The following BRIP1 variants were observed in gnomAD, a reference collection of about 807,000 sequenced individuals.
BRIP1 encodes Fanconi anemia group J protein.
Under a neutral mutation model 119.7 loss-of-function variants are expected in BRIP1, and 88 were observed. The ratio of observed to expected loss-of-function variants is 0.74; its 90% CI spans 0.62 to 0.88. The LOEUF (loss-of-function observed/expected upper bound fraction) is 0.88, where lower values mean the gene tolerates loss of function less well. Ranked by LOEUF, BRIP1 falls within the 40% of genes least tolerant of loss-of-function variation. The pLI is 0.00. For synonymous variants in BRIP1, 443 were observed against 496.5 expected (o/e 0.89, Z 1.43); for missense variants, 1,259 against 1,455.4 (o/e 0.87, Z 2.20).
chr17:61,845,621 A>G lies in BRIP1; in HGVS notation c.627+1480T>C, dbSNP rs1487850421. 6.6e-6 allele frequency among the ~76,000 whole-genome samples: 1 copy of G among 152,204 alleles called. No homozygotes were observed. The highest frequency in any genetic ancestry group is 6.5e-5 in the Admixed American group (1 of 15,278). ...AATTTTATCTGGCTCATTTTATCAT[A>G]AAGAATTACCATGGTTAGTATATCA... On this transcript the variant is annotated intron_variant, in intron 6 of 19. Transcript: ENST00000259008. The surrounding 1 kb of genome is among the most constrained non-coding windows in gnomAD (Gnocchi z 4.2).
In BRIP1 at chr17:61,808,714, C is replaced by T. The variant is rs990737815; in HGVS notation, c.671G>A (p.Gly224Glu). ...GGTATTCGATGACTCTTGACTGTTT[C>T]CTTGTTTAGTAGAACAACAGCACCT... ...CSRCCCSTKQ[G>E]NSQESSNTIK... Residue 224 changes from glycine to glutamate, a missense_variant, in exon 7 of 20, where the codon GGA becomes GAA. Physicochemically the swap from Gly to Glu is moderately conservative, Grantham distance 98. Coordinates refer to ENST00000259008, the MANE Select transcript of BRIP1 (RefSeq NM_032043.3). This position sits in a 1 kb window ranked among gnomAD's most constrained non-coding sequence, Gnocchi z 4.1. The T allele has an allele frequency of 6.2e-7, 1 of 1,613,816 alleles. No individual in the cohort carries two copies.
chr17:61,780,269 T>G lies in BRIP1; in HGVS notation c.1927A>C (p.Asn643His), dbSNP rs2145074666. ...IQLEANHIIK[N>H]SQVWVGTIGS... ...AAAAAACAACAACTAACCTGTGAAT[T>G]TTTAATGATATGATTAGCCTCCAGC... The change falls in exon 13 of 20, where the codon AAT (asparagine) becomes CAT (histidine). Residue 643 changes from asparagine to histidine, a missense_variant. This residue lies in a region of BRIP1 where 753 missense variants were observed against 891.8 expected (regional missense o/e 0.84). Transcript: ENST00000259008. The surrounding 1 kb of genome is among the most constrained non-coding windows in gnomAD (Gnocchi z 5.4). 1 of 1,613,238 alleles carries G rather than the reference T, an allele frequency of 6.2e-7. No individual in the cohort carries two copies. The highest frequency in any genetic ancestry group is 2.2e-5 in the East Asian group (1 of 44,838).
intron 10 of BRIP1, among the ~76,000 whole-genome samples, chr17:61,787,806 G>A (rs1259239573): frequency 6.6e-6 from 1 of 151,956 alleles, no homozygotes; most frequent in Non-Finnish European, 1.5e-5. Flanking sequence ...CACCACGCCC[G>A]GCTAATTTTT....
chr17:61,792,501 T>C (rs1054385349), intron 10 of BRIP1, among the ~76,000 whole-genome samples: 14 of 152,120 alleles, frequency 9.2e-5, no homozygotes, highest in African/African-American at 3.1e-4. Context: ...AGAAATGAGC[T>C]ATCAAGGCAA....
rs1199107474 is a variant in BRIP1, at chr17:61,751,204, GA to G, written c.2098-6614del. 6.6e-6 allele frequency among the ~76,000 whole-genome samples: 1 copy of G among 152,090 alleles called. No individual in the cohort carries two copies. Among genetic ancestry groups the G allele is most frequent in the Non-Finnish European group, 1.5e-5 (1 of 68,000 alleles). ...GAATATGGATAAACCCATAGTAAGT[GA>G]AAAAAGCCACTGTATTTTTGTACAC... On this transcript the variant is annotated intron_variant, in intron 14 of 19. Transcript: ENST00000259008. The surrounding 1 kb of genome is among the most constrained non-coding windows in gnomAD (Gnocchi z 6.7).
chr17:61,788,166 T>C (rs969474249), intron 10 of BRIP1, among the ~76,000 whole-genome samples: 5 of 152,042 alleles, frequency 3.3e-5, no homozygotes, highest in Non-Finnish European at 7.4e-5. Flanking sequence ...GATAAATATA[T>C]AAAAATCAAA....
chr17:61,836,061 G>C (rs961498378), intron 6 of BRIP1, among the ~76,000 whole-genome samples: 1 of 145,184 alleles, frequency 6.9e-6, no homozygotes, highest in African/African-American at 2.6e-5. Flanking sequence ...TTTTTATTCT[G>C]TATTGGTTTT....
intron 10 of BRIP1, among the ~76,000 whole-genome samples, chr17:61,786,072 T>C (rs1019829649): frequency 6.6e-6 from 1 of 152,024 alleles, no homozygotes; most frequent in Non-Finnish European, 1.5e-5. Flanking sequence ...TAATAATACA[T>C]ACACGTGATG....
intron 17 of BRIP1, among the ~76,000 whole-genome samples, chr17:61,707,292 A>G (rs916457667): frequency 2.6e-5 from 4 of 151,914 alleles, no homozygotes; most frequent in Non-Finnish European, 5.9e-5. Context: ...TTTGTAAGAT[A>G]GAGACCTGTC....
intron 6 of BRIP1, among the ~76,000 whole-genome samples, chr17:61,821,208 C>T (rs931988237): frequency 6.6e-6 from 1 of 152,084 alleles, no homozygotes; most frequent in African/African-American, 2.4e-5. Context: ...TGGCCCATGA[C>T]CAGTCTGATT....
At position 61,809,813 on chromosome 17, in the gene BRIP1, T is replaced by C. The variant is rs1329126859; in HGVS notation, c.628-1056A>G. On this transcript the variant is annotated intron_variant, in intron 6 of 19. Transcript: ENST00000259008. This position sits in a 1 kb window ranked among gnomAD's most constrained non-coding sequence, Gnocchi z 5.2. ...TAATTTAGTAGAACAAACACTCTACTTGACTGTTTTTTTTTATTATTGTAA... is the reference window on the plus strand; with the variant it reads ...TAATTTAGTAGAACAAACACTCTACCTGACTGTTTTTTTTTATTATTGTAA... 6.6e-6 allele frequency among the ~76,000 whole-genome samples: 1 copy of C among 151,974 alleles called. No homozygotes were observed. Among genetic ancestry groups the C allele is most frequent in the African/African-American group, 2.4e-5 (1 of 41,258 alleles).
chr17:61,780,446 G>A lies in BRIP1; in HGVS notation c.1795-45C>T, dbSNP rs1198598950. On this transcript the variant is annotated intron_variant, in intron 12 of 19. Transcript: ENST00000259008. The surrounding 1 kb of genome is among the most constrained non-coding windows in gnomAD (Gnocchi z 5.4). ...GATAAATAAAATTATCTTTAGAAGA[G>A]GCTGGGCAAAGTGGCTCACACCTGT... 1 of 1,556,144 alleles carries A rather than the reference G, an allele frequency of 6.4e-7. No homozygotes were observed. Among genetic ancestry groups the A allele is most frequent in the Non-Finnish European group, 8.9e-7 (1 of 1,129,096 alleles).
In BRIP1 at chr17:61,693,616, C is replaced by A. The variant is rs757596476; in HGVS notation, c.2493-104G>T. On this transcript the variant is annotated intron_variant, in intron 17 of 19. Coordinates refer to ENST00000259008, the MANE Select transcript of BRIP1 (RefSeq NM_032043.3). The surrounding 1 kb of genome is among the most constrained non-coding windows in gnomAD (Gnocchi z 4.2). ...TGGAAAAAAATCAATTTTATAGATT[C>A]CTTTAAACAATTTGTTATTATCAGA... 3.3e-6 allele frequency: 3 copies of A among 912,116 alleles called. No individual in the cohort carries two copies. Among genetic ancestry groups the A allele is most frequent in the Non-Finnish European group, 5.3e-6 (3 of 567,034 alleles). The allele number at this position is 912,116 out of a possible 1,614,324, so 56.5% of individuals were successfully genotyped here.
rs2077419054 is a variant in BRIP1, at chr17:61,769,597, T to G, written c.2097+6804A>C. Among the ~76,000 whole-genome samples, 1 of 152,238 alleles carries G rather than the reference T, an allele frequency of 6.6e-6. No individual in the cohort carries two copies. Among genetic ancestry groups the G allele is most frequent in the South Asian group, 2.1e-4 (1 of 4,834 alleles). ...GCAAATTTATTTTTGCCAATTTTAT[T>G]GGACTTCTGATTTCAGCTCCAATAT... is the stretch of plus-strand genomic sequence containing the variant. On this transcript the variant is annotated intron_variant, in intron 14 of 19. Coordinates refer to ENST00000259008, the MANE Select transcript of BRIP1 (RefSeq NM_032043.3). The surrounding 1 kb of genome is among the most constrained non-coding windows in gnomAD (Gnocchi z 4.9).
chr17:61,706,775 CT>C lies in BRIP1; in HGVS notation c.2492+9175del. Among the ~76,000 whole-genome samples, 2 of 152,294 alleles carry C rather than the reference CT, an allele frequency of 1.3e-5. No individual in the cohort carries two copies. Among genetic ancestry groups the C allele is most frequent in the South Asian group, 4.1e-4 (2 of 4,832 alleles). The stretch of plus-strand genomic sequence containing the variant: ...TATTGTACAAGACTTTTTGCCTTCC[CT>C]GGAGTTAATAACTGCCTCTTCTTTT... On this transcript the variant is annotated intron_variant, in intron 17 of 19. Coordinates refer to ENST00000259008, the MANE Select transcript of BRIP1 (RefSeq NM_032043.3). The surrounding 1 kb of genome is among the most constrained non-coding windows in gnomAD (Gnocchi z 5.7).
Position 61,806,511 on chromosome 17 carries a change from G to A in BRIP1, c.918+1956C>T, listed in dbSNP as rs151032627. Among the ~76,000 whole-genome samples the A allele has an allele frequency of 3.9e-5, 6 of 152,064 alleles. No homozygotes were observed. Among genetic ancestry groups the A allele is most frequent in the Admixed American group, 1.3e-4 (2 of 15,272 alleles). On this transcript the variant is annotated intron_variant, in intron 7 of 19. Coordinates refer to ENST00000259008, the MANE Select transcript of BRIP1 (RefSeq NM_032043.3). This position sits in a 1 kb window ranked among gnomAD's most constrained non-coding sequence, Gnocchi z 4.9. ...CAAACTAAAGGCCAATGAAAAATTC[G>A]GAACATTGAAGTCTACTGAATTCCT...
At position 61,689,405 on chromosome 17, in the gene BRIP1, T is replaced by C. The variant is rs2061414284; in HGVS notation, c.2576-3240A>G. Among the ~76,000 whole-genome samples, 1 of 152,028 alleles carries C rather than the reference T, an allele frequency of 6.6e-6. No homozygotes were observed. Reference sequence around the variant, plus strand: ...AAATGGAAAAAAAAAAGTGAAGGCTTATGGCTTCATTTATGACTTGACTTA... The same window carrying C: ...AAATGGAAAAAAAAAAGTGAAGGCTCATGGCTTCATTTATGACTTGACTTA... On this transcript the variant is annotated intron_variant, in intron 18 of 19. Coordinates refer to ENST00000259008, the MANE Select transcript of BRIP1 (RefSeq NM_032043.3). The surrounding 1 kb of genome is among the most constrained non-coding windows in gnomAD (Gnocchi z 4.5).
chr17:61,763,481 ATC>A (rs2077307588), intron 14 of BRIP1, among the ~76,000 whole-genome samples: 1 of 151,996 alleles, frequency 6.6e-6, no homozygotes, highest in Non-Finnish European at 1.5e-5. Context: ...TTCCTTTATG[ATC>A]TCTCATGTTA....
rs974544991 is a variant in BRIP1 at position 61,743,978 on chromosome 17, C to A, written c.2257+454G>T. On this transcript the variant is annotated intron_variant, in intron 15 of 19. Coordinates refer to ENST00000259008, the MANE Select transcript of BRIP1 (RefSeq NM_032043.3). The surrounding 1 kb of genome is among the most constrained non-coding windows in gnomAD (Gnocchi z 4.3). ...CTAGGATTACAGGCAAGAGCCACCACGCCCGGCCTCACATCAAACTCTTCA... is the reference window on the plus strand; with the variant it reads ...CTAGGATTACAGGCAAGAGCCACCAAGCCCGGCCTCACATCAAACTCTTCA... Among the ~76,000 whole-genome samples the A allele has an allele frequency of 1.3e-5, 2 of 152,182 alleles. No homozygotes were observed. The highest frequency in any genetic ancestry group is 2.9e-5 in the Non-Finnish European group (2 of 68,032).
Sources: allele counts gnomAD v4.1 joint callset (sites outside exome capture counted in the v4.1 genomes callset), GRCh38; gene constraint gnomAD v4.1.1; regional missense constraint gnomAD v4.1.1; non-coding constraint Gnocchi (gnomAD v3.1); transcripts MANE v1.5; gene names NCBI Gene and HGNC (gene_info 2026-07-23, HGNC 2026-07-21).